The following RNGTT variants were observed in gnomAD, a reference collection of about 807,000 sequenced individuals.
RNGTT encodes the protein mRNA-capping enzyme.
Under a neutral mutation model 79.3 loss-of-function variants are expected in RNGTT, and 33 were observed. The ratio of observed to expected loss-of-function variants is 0.42; its 90% CI spans 0.32 to 0.56. The LOEUF is 0.56. Among genes scored for constraint, RNGTT ranks in the 20% least tolerant of loss-of-function variants. RNGTT has a pLI of 0.17. For missense variants in RNGTT, 497 were observed against 739.1 expected (o/e 0.67, Z 3.80); for synonymous variants, 222 against 235.9 (o/e 0.94, Z 0.54).
At chr6:88,877,227 TAAC>T (rs1482516827) in intron 8 of RNGTT, among the ~76,000 whole-genome samples, 1 of 152,218 alleles carries the variant, frequency 6.6e-6, no homozygotes, top group African/African-American at 2.4e-5. Flanking sequence ...TCTTCAGTTA[TAAC>T]AACAATAACT....
intron 8 of RNGTT, among the ~76,000 whole-genome samples, chr6:88,866,980 CT>C (rs1395112386): frequency 6.6e-6 from 1 of 152,192 alleles, no homozygotes; most frequent in Non-Finnish European, 1.5e-5. Context: ...TCAATTCTTG[CT>C]ACTTACAATG....
At chr6:88,725,951 G>GAGAGAGAGAGAAAGAGAGAGACAGGC (rs1776886109) in intron 13 of RNGTT, among the ~76,000 whole-genome samples, 1 of 151,748 alleles carries the variant, frequency 6.6e-6, no homozygotes, top group Non-Finnish European at 1.5e-5. Flanking sequence ...GTCAGAGGGA[G>GAGAGAGAGAGAAAGAGAGAGACAGGC]AGAGAGAGAG....
intron 6 of RNGTT, 141 bp downstream of exon 6, chr6:88,904,574 A>ATT: frequency 4.6e-6 from 4 of 867,634 alleles, no homozygotes; most frequent in Non-Finnish European, 6.4e-6. Flanking sequence ...AAAAAAAAAA[A>ATT]TTTTTTTTTT....
chr6:88,660,555 A>AAAAAAAAAAAG (rs937133942), intron 14 of RNGTT, among the ~76,000 whole-genome samples: 17 of 151,718 alleles, frequency 1.1e-4, no homozygotes, highest in African/African-American at 3.9e-4. Context: ...ATGGTAAAAA[A>AAAAAAAAAAAG]AAAGAAAGAA....
At chr6:88,733,539 A>G (rs946886259) in intron 13 of RNGTT, among the ~76,000 whole-genome samples, 30 of 152,080 alleles carry the variant, frequency 2.0e-4, no homozygotes, top group Admixed American at 1.8e-3. Context: ...ATAATGGCCA[A>G]GAATTTTCCA....
chr6:88,816,696 T>G (rs1216211077), intron 11 of RNGTT, among the ~76,000 whole-genome samples: 1 of 152,196 alleles, frequency 6.6e-6, no homozygotes, highest in Non-Finnish European at 1.5e-5. Context: ...AGCTTCCATT[T>G]GAAAATAACA....
chr6:88,907,801 A>G (rs1168019851), intron 4 of RNGTT, among the ~76,000 whole-genome samples: 1 of 145,406 alleles, frequency 6.9e-6, no homozygotes, highest in Admixed American at 7.1e-5. Flanking sequence ...GTTCAGTAGC[A>G]TGATCAGGTT....
intron 12 of RNGTT, among the ~76,000 whole-genome samples, chr6:88,794,264 T>C (rs1779517913): frequency 6.6e-6 from 1 of 152,216 alleles, no homozygotes; most frequent in South Asian, 2.1e-4. Flanking sequence ...GTTTGGATTC[T>C]GGACTTGGCA....
In RNGTT at chr6:88,963,467, C is replaced by A; in HGVS notation, c.-58G>T. The stretch of plus-strand genomic sequence containing the variant: ...CCAACGTTCACCGCGCCTTTGGAGC[C>A]GCCTCCCCGTGGTCCGGTGCACACC... On this transcript the variant is annotated 5_prime_UTR_variant, in exon 1 of 16. Transcript: ENST00000369485. 4 of 1,482,950 alleles carry A rather than the reference C, an allele frequency of 2.7e-6. No individual in the cohort carries two copies. The South Asian group carries it at 5.2e-5, about 19-fold the overall frequency. The allele number at this position is 1,482,950 out of a possible 1,614,324, so 91.9% of individuals were successfully genotyped here.
intron 11 of RNGTT, among the ~76,000 whole-genome samples, chr6:88,836,042 CATAT>C (rs138214447): frequency 2.2e-4 from 30 of 135,916 alleles, no homozygotes; most frequent in African/African-American, 2.7e-4. Context: ...ATAAGATTTA[CATAT>C]ATATATATAT....
chr6:88,772,984 G>C (rs1445749249), intron 12 of RNGTT, among the ~76,000 whole-genome samples: 1 of 149,870 alleles, frequency 6.7e-6, no homozygotes, highest in African/African-American at 2.4e-5. Flanking sequence ...ATACCCAAAG[G>C]ACTATAAATC....
At chr6:88,751,934 T>C (rs1777853264) in intron 13 of RNGTT, among the ~76,000 whole-genome samples, 1 of 152,072 alleles carries the variant, frequency 6.6e-6, no homozygotes, top group Admixed American at 6.5e-5. Flanking sequence ...TATAATCCCA[T>C]CATTCCAAAC....
chr6:88,855,825 C>A (rs1206493221), intron 8 of RNGTT, among the ~76,000 whole-genome samples: 1 of 152,152 alleles, frequency 6.6e-6, no homozygotes, highest in African/African-American at 2.4e-5. Context: ...TTTTCAAAAG[C>A]AGCAATTCCT....
At chr6:88,898,857 T>C (rs1303177866) in intron 6 of RNGTT, among the ~76,000 whole-genome samples, 1 of 145,182 alleles carries the variant, frequency 6.9e-6, no homozygotes, top group African/African-American at 2.6e-5. Context: ...TGCATTTATA[T>C]TTTACAAAAA....
At chr6:88,821,803 T>C (rs1780504503) in intron 11 of RNGTT, among the ~76,000 whole-genome samples, 1 of 151,504 alleles carries the variant, frequency 6.6e-6, no homozygotes, top group Non-Finnish European at 1.5e-5. Context: ...CATTTTAATA[T>C]TCCTCTCTTA....
intron 11 of RNGTT, among the ~76,000 whole-genome samples, chr6:88,837,628 G>C (rs1781125671): frequency 6.6e-6 from 1 of 151,522 alleles, no homozygotes; most frequent in South Asian, 2.1e-4. Context: ...GACAAAGTAG[G>C]GCTTATCCCA....
chr6:88,813,516 G>A (rs1231040491), intron 11 of RNGTT, among the ~76,000 whole-genome samples: 1 of 152,158 alleles, frequency 6.6e-6, no homozygotes, highest in Non-Finnish European at 1.5e-5. Context: ...AAACTCAAGT[G>A]TCATAGTATT....
At chr6:88,752,574 C>T (rs1372340192) in intron 13 of RNGTT, among the ~76,000 whole-genome samples, 1 of 152,074 alleles carries the variant, frequency 6.6e-6, no homozygotes, top group African/African-American at 2.4e-5. Flanking sequence ...AATATTTTTA[C>T]TATAAACAAT....
intron 8 of RNGTT, among the ~76,000 whole-genome samples, chr6:88,863,318 G>T (rs1582556260): frequency 6.6e-6 from 1 of 152,102 alleles, no homozygotes; most frequent in Non-Finnish European, 1.5e-5. Flanking sequence ...TAGTTTATAT[G>T]TGGCTTCTAC....
Sources: gnomAD v4.1 joint callset for allele counts (sites outside exome capture counted in the v4.1 genomes callset) on GRCh38, gnomAD v4.1.1 for gene constraint, MANE v1.5 for transcripts, NCBI Gene and HGNC (gene_info 2026-07-23, HGNC 2026-07-21) for gene names.